Variants in SMG9 observed in about 807,000 individuals in gnomAD.
The protein encoded by SMG9 is nonsense-mediated mRNA decay factor SMG9.
Under a neutral mutation model 64.0 loss-of-function variants are expected in SMG9, and 55 were observed. The observed-to-expected ratio is 0.86, with a 90% confidence interval of 0.69 to 1.08. The LOEUF (loss-of-function observed/expected upper bound fraction) is 1.08. Among genes scored for constraint, SMG9 ranks in the 50% least tolerant of loss-of-function variants. SMG9 has a pLI of 0.00. For missense variants in SMG9, 554 were observed against 681.3 expected (o/e 0.81, Z 2.08); for synonymous variants, 244 against 254.8 (o/e 0.96, Z 0.41).
intron 5 of SMG9, among the ~76,000 whole-genome samples, chr19:43,746,449 G>A (rs961999454): frequency 6.6e-6 from 1 of 152,166 alleles, no homozygotes; most frequent in Non-Finnish European, 1.5e-5. Flanking sequence ...TAATAGCGCT[G>A]AAGGGTAGGG....
Position 43,733,337 on chromosome 19 carries a change from GT to G in SMG9, c.1325del (p.Asn442ThrfsTer29), listed in dbSNP as rs1968546764. The G allele has an allele frequency of 6.2e-7, 1 of 1,613,906 alleles. No homozygotes were observed. Among genetic ancestry groups the G allele is most frequent in the Non-Finnish European group, 8.5e-7 (1 of 1,180,020 alleles). On this transcript the variant is annotated frameshift_variant, in exon 12 of 14. Coordinates refer to ENST00000270066, the MANE Select transcript of SMG9 (RefSeq NM_019108.4). LOFTEE classifies it high-confidence loss of function. ...GGGTAACTGTACCTGCTCTTGGTGG[GT>G]TTTCACTCTCTGCTTCACTGTCCAT... is the stretch of plus-strand genomic sequence containing the variant. ...PFMDSEAESE[N>X]PPRAGPGSSP...
chr19:43,735,631 AAAAAAAAAT>A lies in SMG9; in HGVS notation c.996-1145_996-1137del, dbSNP rs773399815. 5.2e-3 allele frequency among the ~76,000 whole-genome samples: 794 copies of A among 151,572 alleles called. 24 individuals are homozygous for A. In the East Asian group the frequency reaches 0.094, roughly 18 times the overall value. On this transcript the variant is annotated intron_variant, in intron 9 of 13. Transcript: ENST00000270066. ...CTCTGTCTCAAAAAAAAAAAAAAAA[AAAAAAAAAT>A]CTGTGTGGTTTTTTAGTGGAATTTT...
At chr19:43,754,033 G>A (rs978391856) in intron 1 of SMG9, among the ~76,000 whole-genome samples, 1 of 152,100 alleles carries the variant, frequency 6.6e-6, no homozygotes. Context: ...AGTGTCTGCT[G>A]ATGGACTTCT....
At chr19:43,740,057 G>T in intron 7 of SMG9, 50 bp downstream of exon 7, 1 of 1,221,686 alleles carries the variant, frequency 8.2e-7, no homozygotes, top group Non-Finnish European at 1.2e-6. Context: ...CCAGGAAGAG[G>T]CTCAATGCAG....
chr19:43,734,297 C>A, intron 10 of SMG9, 92 bp downstream of exon 10: 1 of 1,032,316 alleles, frequency 9.7e-7, no homozygotes. Flanking sequence ...CCCACTCCTT[C>A]CTCTCTCTCC....
rs888886257 is a variant in SMG9, at chr19:43,731,410, A to C, written c.*186T>G. On this transcript the variant is annotated 3_prime_UTR_variant, in exon 14 of 14. Transcript: ENST00000270066. ...TGGGATCGCTCACAGTCACCCCCGG[A>C]ACAGCCCCAACTGAGGGTGGGGGGC... 4 of 1,418,754 alleles carry C rather than the reference A, an allele frequency of 2.8e-6. No homozygotes were observed. The East Asian group carries it at 1.1e-4, about 38-fold the overall frequency. 87.9% of individuals were successfully genotyped at this position (1,418,754 alleles called of 1,614,324 possible). A position where few individuals can be genotyped will look rare whatever the true frequency, so the allele number is the denominator to read the frequency against.
At chr19:43,742,177 A>G (rs1460570493) in intron 6 of SMG9, among the ~76,000 whole-genome samples, 6 of 152,132 alleles carry the variant, frequency 3.9e-5, no homozygotes, top group Admixed American at 1.3e-4. Flanking sequence ...TTAGCCAGGC[A>G]TGGTGGTACA....
intron 2 of SMG9, chr19:43,750,099 G>A (rs1969148302): frequency 5.8e-6 from 3 of 518,238 alleles, no homozygotes; most frequent in South Asian, 1.4e-5. Flanking sequence ...ATGAGCTATG[G>A]CACCTCTCAG....
intron 12 of SMG9, 153 bp downstream of exon 12, chr19:43,733,171 G>C: frequency 7.4e-7 from 1 of 1,349,654 alleles, no homozygotes; most frequent in Non-Finnish European, 1.0e-6. Context: ...ACACACCCCA[G>C]GAACAAACCA....
Position 43,737,648 on chromosome 19 carries a change from C to T in SMG9, c.944G>A (p.Cys315Tyr), listed in dbSNP as rs1449595498. ...GTCCTGGACAACAATCACCACATGG[C>T]AGACCGTGAAAAGGAAGGCAGCAAT... ...LQIAAFLFTV[C>Y]HVVIVVQDWF... Residue 315 changes from cysteine (C) to tyrosine (Y), a missense_variant, in exon 9 of 14, where the codon TGC becomes TAC. Cys to Tyr is a radical substitution (Grantham distance 194). Transcript: ENST00000270066. The T allele has an allele frequency of 1.2e-6, 2 of 1,613,978 alleles. No homozygotes were observed. Among genetic ancestry groups the T allele is most frequent in the Admixed American group, 1.7e-5 (1 of 60,004 alleles).
intron 6 of SMG9, among the ~76,000 whole-genome samples, chr19:43,742,421 G>C (rs540715094): frequency 6.6e-6 from 1 of 152,192 alleles, no homozygotes; most frequent in South Asian, 2.1e-4. Context: ...GGGTGACAGA[G>C]CAAGACCCTC....
intron 5 of SMG9, among the ~76,000 whole-genome samples, chr19:43,746,607 T>G (rs1014976588): frequency 6.6e-6 from 1 of 151,848 alleles, no homozygotes; most frequent in African/African-American, 2.4e-5. Context: ...GTAGGAGAGG[T>G]GACACCTCTG....
chr19:43,740,221 G>A lies in SMG9; in HGVS notation c.702-3C>T, dbSNP rs771159563. On this transcript the variant is annotated splice_polypyrimidine_tract_variant and splice_region_variant and intron_variant, in intron 6 of 13. Transcript: ENST00000270066. ...TCTGGGCCCGGAAAACATAAGTCCT[G>A]TGGAGAGGAGCAGGCAGGGGTGTGT... is the stretch of plus-strand genomic sequence containing the variant. The A allele has an allele frequency of 6.2e-7, 1 of 1,606,690 alleles. No homozygotes were observed. The highest frequency in any genetic ancestry group is 8.5e-7 in the Non-Finnish European group (1 of 1,173,238).
At chr19:43,754,066 C>G (rs1969279558) in intron 1 of SMG9, among the ~76,000 whole-genome samples, 1 of 152,148 alleles carries the variant, frequency 6.6e-6, no homozygotes, top group African/African-American at 2.4e-5. Context: ...CGAAAATTAA[C>G]AAATCGAATT....
intron 11 of SMG9, 43 bp from the exon 12 acceptor site, chr19:43,733,495 G>A: frequency 6.2e-7 from 1 of 1,612,958 alleles, no homozygotes; most frequent in Non-Finnish European, 8.5e-7. Flanking sequence ...CATGTTGTGG[G>A]TTTGGGGAGT....
chr19:43,738,814 CTTGT>C (rs1968755162), intron 7 of SMG9, among the ~76,000 whole-genome samples: 1 of 152,242 alleles, frequency 6.6e-6, no homozygotes, highest in African/African-American at 2.4e-5. Flanking sequence ...TCTATTCTGT[CTTGT>C]TTAACTTCCG....
chr19:43,750,199 T>C (rs767423170), intron 2 of SMG9: 7 of 527,074 alleles, frequency 1.3e-5, no homozygotes, highest in Admixed American at 1.2e-4. Flanking sequence ...CCCAGTTACT[T>C]GACTTCATCT....
At chr19:43,741,642 C>T (rs1007594686) in intron 6 of SMG9, among the ~76,000 whole-genome samples, 1 of 152,038 alleles carries the variant, frequency 6.6e-6, no homozygotes, top group African/African-American at 2.4e-5. Flanking sequence ...TATCTCCTAC[C>T]ACTCCCCTTC....
chr19:43,744,942 A>AG (rs758576123), intron 5 of SMG9, 58 bp from the exon 6 acceptor site: 82 of 1,348,682 alleles, frequency 6.1e-5, no homozygotes, highest in Admixed American at 7.2e-5. Flanking sequence ...AGCTGGAATG[A>AG]GGGGGGGACT....
Sources: gnomAD v4.1 joint callset for allele counts (sites outside exome capture counted in the v4.1 genomes callset) on GRCh38, gnomAD v4.1.1 for gene constraint, MANE v1.5 for transcripts, NCBI Gene and HGNC (gene_info 2026-07-23, HGNC 2026-07-21) for gene names.